The following ZNF599 variants were observed in gnomAD, a reference collection of about 807,000 sequenced individuals.
ZNF599 encodes zinc finger protein 599.
Under a neutral mutation model 11.7 loss-of-function variants are expected in ZNF599, and 10 were observed. The ratio of observed to expected loss-of-function variants is 0.86; its 90% confidence interval spans 0.53 to 1.45. ZNF599 has a LOEUF of 1.45. Ranked by LOEUF, ZNF599 falls within the 40% of genes most tolerant of loss-of-function variation. The pLI is 0.00. For missense variants in ZNF599, 688 were observed against 713.6 expected (o/e 0.96, Z 0.41); for synonymous variants, 232 against 253.2 (o/e 0.92, Z 0.79).
the ZNF599 span, among the ~76,000 whole-genome samples, chr19:34,782,958 C>G: frequency 1.3e-5 from 2 of 152,180 alleles, no homozygotes; most frequent in Non-Finnish European, 2.9e-5. Context: ...CAAACCTACT[C>G]TCCTCCCCAA....
chr19:34,799,422 T>C, the ZNF599 span, among the ~76,000 whole-genome samples: 1 of 152,232 alleles, frequency 6.6e-6, no homozygotes, highest in Admixed American at 6.5e-5. Flanking sequence ...AATATTCCGT[T>C]GTGTGGATGT....
intron 2 of ZNF599, among the ~76,000 whole-genome samples, chr19:34,768,674 AATG>A (rs1284892564): frequency 1.3e-5 from 2 of 152,182 alleles, no homozygotes; most frequent in Non-Finnish European, 2.9e-5. Context: ...GCAAAATCAA[AATG>A]ATAACAGGTC....
the ZNF599 span, among the ~76,000 whole-genome samples, chr19:34,781,171 TAAAAA>T: frequency 1.3e-4 from 6 of 46,430 alleles, no homozygotes; most frequent in Non-Finnish European, 3.0e-4. Flanking sequence ...AAAATAAAAA[TAAAAA>T]AAAGAAAAGG....
chr19:34,760,119 CAT>C lies in ZNF599; in HGVS notation c.680_681del (p.Tyr227Ter). ...CAGGCTTTCCCACACTCATTGCACTCATAGGGCTTCACTCCAGCATGAATCTG... is the reference window on the plus strand; with the variant it reads ...CAGGCTTTCCCACACTCATTGCACTCAGGGCTTCACTCCAGCATGAATCTG... The part of the protein sequence containing the change: ...HQQIHAGVKP[Y>X]ECNECGKACR... On this transcript the variant is annotated frameshift_variant, in exon 4 of 4. Transcript: ENST00000329285. LOFTEE classifies it low-confidence loss of function (END_TRUNC). 1 of 1,614,158 alleles carries C rather than the reference CAT, an allele frequency of 6.2e-7. No individual in the cohort carries two copies. The highest frequency in any genetic ancestry group is 8.5e-7 in the Non-Finnish European group (1 of 1,180,032).
chr19:34,765,424 G>A (rs981411471), intron 3 of ZNF599: 2 of 623,546 alleles, frequency 3.2e-6, no homozygotes, highest in Non-Finnish European at 5.8e-6. Context: ...CCTATGACAC[G>A]CCTGAGAGGA....
At chr19:34,762,850 A>T (rs896886131) in intron 3 of ZNF599, 1 of 152,264 alleles carries the variant, frequency 6.6e-6, no homozygotes, top group Non-Finnish European at 1.5e-5. Context: ...ATGGCATTAT[A>T]AAAAGATATG....
the ZNF599 span, among the ~76,000 whole-genome samples, chr19:34,797,082 C>A: frequency 1.3e-5 from 2 of 151,494 alleles, no homozygotes; most frequent in Admixed American, 1.3e-4. Context: ...TTTGTCCTTG[C>A]GATAGTTTGC....
At chr19:34,779,988 C>T in the ZNF599 span, 1 of 153,842 alleles carries the variant, frequency 6.5e-6, no homozygotes, top group African/African-American at 2.4e-5. Flanking sequence ...AGAAAGTCCC[C>T]ATCCTCCCTG....
At position 34,772,752 on chromosome 19, in the gene ZNF599, G is replaced by A. The variant is rs1327998629; in HGVS notation, c.18+72C>T. On this transcript the variant is annotated intron_variant, in intron 1 of 3. Transcript: ENST00000329285. ...GGAGAAGCACAGAGTCCCGGCATCC[G>A]CCGTATTACAGCGGATGGGTGCATG... 3.3e-6 allele frequency: 5 copies of A among 1,532,806 alleles called. No individual in the cohort carries two copies. Among genetic ancestry groups the A allele is most frequent in the East Asian group, 5.0e-5 (2 of 39,884 alleles). 95.0% of individuals were successfully genotyped at this position (1,532,806 alleles called of 1,614,324 possible).
chr19:34,807,333 G>A, the ZNF599 span, among the ~76,000 whole-genome samples: 1 of 152,316 alleles, frequency 6.6e-6, no homozygotes, highest in African/African-American at 2.4e-5. Context: ...AAGCCACCGT[G>A]ATGCGAGCCT....
At chr19:34,797,356 A>G in the ZNF599 span, among the ~76,000 whole-genome samples, 1 of 152,072 alleles carries the variant, frequency 6.6e-6, no homozygotes, top group African/African-American at 2.4e-5. Context: ...GTCAAATGGT[A>G]TTTCTATTTC....
Position 34,759,597 on chromosome 19 carries a change from T to C in ZNF599, c.1204A>G (p.Lys402Glu), listed in dbSNP as rs756348367. 1 of 1,614,008 alleles carries C rather than the reference T, an allele frequency of 6.2e-7. No homozygotes were observed. The highest frequency in any genetic ancestry group is 8.5e-7 in the Non-Finnish European group (1 of 1,180,004). ...AAAGTGGAGCGATGAGTAAAGGCCT[T>C]TCCACATTCACCGCACTCATAGGGT... ...EKPYECGECG[K>E]AFTHRSTFIR... The change falls in exon 4 of 4, where the codon AAG (lysine) becomes GAG (glutamate). Residue 402 changes from lysine (K) to glutamate (E), a missense_variant. Coordinates refer to ENST00000329285, the MANE Select transcript of ZNF599 (RefSeq NM_001007248.3).
the ZNF599 span, among the ~76,000 whole-genome samples, chr19:34,782,238 G>T: frequency 6.6e-6 from 1 of 152,204 alleles, no homozygotes; most frequent in African/African-American, 2.4e-5. Context: ...CTTGGCAGGT[G>T]AGTGGCCAGC....
the ZNF599 span, among the ~76,000 whole-genome samples, chr19:34,805,017 C>A: frequency 6.6e-6 from 1 of 152,194 alleles, no homozygotes; most frequent in East Asian, 1.9e-4. Flanking sequence ...TGGCAGTCAG[C>A]TTCTCTTCTG....
Position 34,772,951 on chromosome 19 carries a change from G to A in ZNF599, c.-110C>T, listed in dbSNP as rs2069194680. ...GCTGCGAGGGACCTCAGTCCCCGCC[G>A]TCGTGTAAAATGCACACAAGGTTCG... On this transcript the variant is annotated 5_prime_UTR_variant, in exon 1 of 4. The change creates a new upstream start codon in the 5' untranslated region. Coordinates refer to ENST00000329285, the MANE Select transcript of ZNF599 (RefSeq NM_001007248.3). 4.6e-6 allele frequency: 6 copies of A among 1,294,864 alleles called. No individual in the cohort carries two copies. The South Asian group carries it at 9.8e-5, about 21-fold the overall frequency. The allele number at this position is 1,294,864 out of a possible 1,614,324, so 80.2% of individuals were successfully genotyped here.
At chr19:34,783,380 G>A in the ZNF599 span, among the ~76,000 whole-genome samples, 1 of 152,200 alleles carries the variant, frequency 6.6e-6, no homozygotes, top group Non-Finnish European at 1.5e-5. Flanking sequence ...AGCAGGCTAA[G>A]GATCGAGTAA....
the ZNF599 span, among the ~76,000 whole-genome samples, chr19:34,806,780 G>A: frequency 3.9e-5 from 6 of 151,986 alleles, no homozygotes; most frequent in Non-Finnish European, 8.8e-5. Context: ...TCTCCAAACC[G>A]CTTTGTCTTC....
the ZNF599 span, among the ~76,000 whole-genome samples, chr19:34,791,036 T>C: frequency 6.6e-6 from 1 of 152,214 alleles, no homozygotes; most frequent in Non-Finnish European, 1.5e-5. Flanking sequence ...TACAGTTCCA[T>C]ATATTATCTA....
chr19:34,799,678 C>T, the ZNF599 span, among the ~76,000 whole-genome samples: 1 of 152,184 alleles, frequency 6.6e-6, no homozygotes, highest in South Asian at 2.1e-4. Context: ...GGACTCATGT[C>T]CATATAAGAA....
Sources: allele counts gnomAD v4.1 joint callset (sites outside exome capture counted in the v4.1 genomes callset), GRCh38; gene constraint gnomAD v4.1.1; transcripts MANE v1.5; gene names NCBI Gene and HGNC (gene_info 2026-07-23, HGNC 2026-07-21).